ADAMTS17: variants seen among roughly 807,000 people sequenced by gnomAD.
ADAMTS17 encodes ADAM metallopeptidase with thrombospondin type 1 motif 17.
A neutral mutation model predicts 141.5 loss-of-function variants in ADAMTS17; 113 were observed. The observed-to-expected ratio is 0.80, with a 90% CI of 0.69 to 0.93. The LOEUF (loss-of-function observed/expected upper bound fraction) is 0.93. Ranked by LOEUF, ADAMTS17 falls within the 40% of genes least tolerant of loss-of-function variation. ADAMTS17 has a pLI of 0.00. For synonymous variants in ADAMTS17, 768 were observed against 630.6 expected (o/e 1.22, Z -3.27); for missense variants, 1,659 against 1,517.9 (o/e 1.09, Z -1.54).
intron 3 of ADAMTS17, chr15:100,306,181 T>C (rs2045218320): frequency 3.3e-6 from 1 of 298,936 alleles, no homozygotes; most frequent in Admixed American, 4.1e-5. Flanking sequence ...GTTATAGAGG[T>C]GTGAAGAGGT....
intron 8 of ADAMTS17, among the ~76,000 whole-genome samples, chr15:100,197,722 G>A (rs1453428002): frequency 1.3e-5 from 2 of 152,046 alleles, no homozygotes; most frequent in Admixed American, 1.3e-4. Flanking sequence ...TCCACTCTCT[G>A]TACCTACTCA....
chr15:100,128,290 A>T (rs1011467799), intron 12 of ADAMTS17: 3 of 152,206 alleles, frequency 2.0e-5, no homozygotes, highest in Non-Finnish European at 4.4e-5. Context: ...AGCAGAGTTC[A>T]GGCCCTGGCA....
intron 15 of ADAMTS17, among the ~76,000 whole-genome samples, chr15:100,064,153 G>A (rs113275800): frequency 0.013 from 1,943 of 152,252 alleles, 36 homozygotes; most frequent in African/African-American, 0.043. Context: ...TGCACATAGG[G>A]AGAATGTCGC....
At chr15:100,284,136 A>C (rs574447016) in intron 3 of ADAMTS17, among the ~76,000 whole-genome samples, 9 of 145,854 alleles carry the variant, frequency 6.2e-5, no homozygotes, top group Non-Finnish European at 9.0e-5. Flanking sequence ...AACAAACAAA[A>C]AATCCTGTAC....
At chr15:100,163,018 CTATA>C (rs1160687683) in intron 8 of ADAMTS17, among the ~76,000 whole-genome samples, 6 of 140,854 alleles carry the variant, frequency 4.3e-5, no homozygotes, top group African/African-American at 1.6e-4. Flanking sequence ...GTATATATAA[CTATA>C]TATGTATATA....
At chr15:99,988,615 A>G (rs1379574800) in intron 20 of ADAMTS17, among the ~76,000 whole-genome samples, 1 of 152,220 alleles carries the variant, frequency 6.6e-6, no homozygotes, top group Non-Finnish European at 1.5e-5. Flanking sequence ...AGCTTGTCAA[A>G]CGGGCTGTGG....
Position 100,023,206 on chromosome 15 carries a change from T to A in ADAMTS17, c.2592-25617A>T, listed in dbSNP as rs974260157. Among the ~76,000 whole-genome samples the A allele has an allele frequency of 1.5e-4, 22 of 148,788 alleles. No individual in the cohort carries two copies. The South Asian group carries it at 2.6e-3, about 17-fold the overall frequency. ...TTTTAGGTGAACAAAATAAAAAAAT[T>A]TTTTTTTTTTTTGAGACGGAGTTTC... is the stretch of plus-strand genomic sequence containing the variant. On this transcript the variant is annotated intron_variant, in intron 18 of 21. Transcript: ENST00000268070.
intron 7 of ADAMTS17, among the ~76,000 whole-genome samples, chr15:100,216,396 C>T (rs373072598): frequency 6.6e-6 from 1 of 152,162 alleles, no homozygotes; most frequent in African/African-American, 2.4e-5. Context: ...CCTCTAAATG[C>T]TTTTATCAAC....
intron 4 of ADAMTS17, among the ~76,000 whole-genome samples, chr15:100,277,038 G>A (rs751744706): frequency 6.6e-6 from 1 of 152,096 alleles, no homozygotes; most frequent in Non-Finnish European, 1.5e-5. Context: ...TGTGCAAGGG[G>A]GCTGACGACT....
intron 8 of ADAMTS17, among the ~76,000 whole-genome samples, chr15:100,177,990 T>C (rs1596196584): frequency 2.0e-5 from 3 of 152,104 alleles, no homozygotes; most frequent in Admixed American, 2.0e-4. Context: ...CCTGTTTTTT[T>C]CCCACAATGA....
chr15:100,067,807 C>T (rs1246707878), intron 15 of ADAMTS17, among the ~76,000 whole-genome samples: 1 of 152,186 alleles, frequency 6.6e-6, no homozygotes, highest in African/African-American at 2.4e-5. Context: ...CAGCTCCAGT[C>T]TACAGCTCCC....
In ADAMTS17 at chr15:99,974,264, G is replaced by A. The variant is rs1157365344; in HGVS notation, c.*138C>T. ...AAGTACGGAAGCACTAATGGCAAAC[G>A]CCAAGTCCACGCTCATGTTCTATGT... On this transcript the variant is annotated 3_prime_UTR_variant, in exon 22 of 22. Transcript: ENST00000268070. 1.2e-5 allele frequency: 14 copies of A among 1,139,912 alleles called. No homozygotes were observed. Among genetic ancestry groups the A allele is most frequent in the African/African-American group, 3.1e-5 (2 of 65,400 alleles). 70.6% of individuals were successfully genotyped at this position (1,139,912 alleles called of 1,614,324 possible). A position where few individuals can be genotyped will look rare whatever the true frequency, so the allele number is the denominator to read the frequency against.
intron 8 of ADAMTS17, among the ~76,000 whole-genome samples, chr15:100,162,084 A>G (rs970438974): frequency 6.6e-6 from 1 of 152,304 alleles, no homozygotes; most frequent in Middle Eastern, 3.4e-3. Context: ...TGACCAATAT[A>G]GTGTTGGTGT....
chr15:100,033,294 T>C (rs1428095672), intron 18 of ADAMTS17, among the ~76,000 whole-genome samples: 3 of 152,174 alleles, frequency 2.0e-5, no homozygotes, highest in African/African-American at 7.2e-5. Flanking sequence ...CCACACCCAG[T>C]CATGAAGGGT....
intron 10 of ADAMTS17, among the ~76,000 whole-genome samples, chr15:100,135,246 G>T (rs560863220): frequency 6.6e-6 from 1 of 151,882 alleles, no homozygotes; most frequent in East Asian, 1.9e-4. Context: ...TAATGATAAA[G>T]TAAGAAAACT....
intron 7 of ADAMTS17, among the ~76,000 whole-genome samples, chr15:100,232,400 T>A (rs1370893044): frequency 6.6e-6 from 1 of 152,242 alleles, no homozygotes; most frequent in Non-Finnish European, 1.5e-5. Flanking sequence ...CCCTGGGCTC[T>A]GAAAGCCTGA....
At chr15:100,001,829 C>G (rs767901340) in intron 18 of ADAMTS17, among the ~76,000 whole-genome samples, 1 of 149,792 alleles carries the variant, frequency 6.7e-6, no homozygotes, top group South Asian at 2.1e-4. Flanking sequence ...AATAGCCCCC[C>G]GTGGTGGTGT....
chr15:100,074,331 G>C lies in ADAMTS17; in HGVS notation c.2138-20277C>G, dbSNP rs544899222. Reference sequence around the variant, plus strand: ...GCTGTTGAATATAATGCGGGCTTACGGTTATATAGAGTGTATAATAACATC... The same window carrying C: ...GCTGTTGAATATAATGCGGGCTTACCGTTATATAGAGTGTATAATAACATC... On this transcript the variant is annotated intron_variant, in intron 15 of 21. Coordinates refer to ENST00000268070, the MANE Select transcript of ADAMTS17 (RefSeq NM_139057.4). 6 of 152,012 alleles carry C rather than the reference G, an allele frequency of 3.9e-5. No homozygotes were observed. In the South Asian group the frequency reaches 1.2e-3, roughly 32 times the overall value. The allele number at this position is 152,012 out of a possible 1,614,324, so 9.4% of individuals were successfully genotyped here.
intron 4 of ADAMTS17, among the ~76,000 whole-genome samples, chr15:100,269,515 C>T (rs1232106779): frequency 6.6e-6 from 1 of 152,212 alleles, no homozygotes; most frequent in Non-Finnish European, 1.5e-5. Context: ...AAACTGCTCC[C>T]AGGAGGTGAG....
Sources: allele counts gnomAD v4.1 joint callset (sites outside exome capture counted in the v4.1 genomes callset), GRCh38; gene constraint gnomAD v4.1.1; transcripts MANE v1.5; gene names NCBI Gene and HGNC (gene_info 2026-07-23, HGNC 2026-07-21).